The following ACTL6A variants were observed in gnomAD, a reference collection of about 807,000 sequenced individuals.
The protein encoded by ACTL6A is actin-like protein 6A.
ACTL6A carries 5 observed loss-of-function variants against 59.2 expected under a neutral mutation model. That is an observed-to-expected ratio of 0.08 (90% CI 0.04 to 0.18). ACTL6A has a LOEUF of 0.18. Ranked by LOEUF, ACTL6A falls within the 10% of genes least tolerant of loss-of-function variation. The probability of loss-of-function intolerance (pLI) is 1.00; values close to 1 mark genes in which losing one functional copy is unlikely to be tolerated. For missense variants in ACTL6A, 285 were observed against 526.9 expected (o/e 0.54, Z 4.49); for synonymous variants, 154 against 171.8 (o/e 0.90, Z 0.81).
At position 179,576,724 on chromosome 3, in the gene ACTL6A, AAAGT is replaced by A. The variant is rs1718177158; in HGVS notation, c.678+5_678+8del. The A allele has an allele frequency of 6.2e-7, 1 of 1,611,862 alleles. No individual in the cohort carries two copies. Among genetic ancestry groups the A allele is most frequent in the Non-Finnish European group, 8.5e-7 (1 of 1,177,980 alleles). ...GGTTCCTCCATATATGATTGCATCA[AAAGT>A]AAGTAATTATTGAATTTTCTTTGTA... On this transcript the variant is annotated splice_donor_variant and coding_sequence_variant, in exon 7 of 14. Coordinates refer to ENST00000429709, the MANE Select transcript of ACTL6A (RefSeq NM_004301.5). LOFTEE classifies it high-confidence loss of function.
chr3:179,566,252 T>G (rs984209799), intron 1 of ACTL6A, among the ~76,000 whole-genome samples: 1 of 151,938 alleles, frequency 6.6e-6, no homozygotes, highest in African/African-American at 2.4e-5. Flanking sequence ...GAGAGAGAGA[T>G]TTGAAATTGG....
chr3:179,582,764 TTAA>T (rs1292045302), intron 11 of ACTL6A, among the ~76,000 whole-genome samples: 2 of 152,230 alleles, frequency 1.3e-5, no homozygotes, highest in Non-Finnish European at 1.5e-5. Context: ...GTGGTTGCTA[TTAA>T]TATTTCCAGA....
intron 5 of ACTL6A, chr3:179,575,411 A>G (rs1211706207): frequency 2.2e-6 from 1 of 456,648 alleles, no homozygotes; most frequent in South Asian, 1.5e-5. Context: ...AGCTTTATTC[A>G]TCATCTACTT....
At position 179,570,364 on chromosome 3, in the gene ACTL6A, C is replaced by A. The variant is rs1717968405; in HGVS notation, c.277+123C>A. 3 of 884,724 alleles carry A rather than the reference C, an allele frequency of 3.4e-6. No homozygotes were observed. Among genetic ancestry groups the A allele is most frequent in the South Asian group, 2.1e-5 (1 of 47,976 alleles). 54.8% of individuals were successfully genotyped at this position (884,724 alleles called of 1,614,324 possible). A position where few individuals can be genotyped will look rare whatever the true frequency, so the allele number is the denominator to read the frequency against. Reference sequence around the variant, plus strand: ...TTTTGTTTTGTTTTGTTTTTTATTCCACAAACTGATTTCCAGACACTGAGA... The same window carrying A: ...TTTTGTTTTGTTTTGTTTTTTATTCAACAAACTGATTTCCAGACACTGAGA... On this transcript the variant is annotated intron_variant, in intron 3 of 13. Transcript: ENST00000429709. This position sits in a 1 kb window ranked among gnomAD's most constrained non-coding sequence, Gnocchi z 4.3.
intron 8 of ACTL6A, among the ~76,000 whole-genome samples, chr3:179,579,391 A>G (rs1033168760): frequency 6.6e-6 from 1 of 152,068 alleles, no homozygotes; most frequent in African/African-American, 2.4e-5. Flanking sequence ...TATATGAGTC[A>G]TAATTTACTA....
At position 179,576,616 on chromosome 3, in the gene ACTL6A, A is replaced by AT; in HGVS notation, c.572-3dup. 6.2e-7 allele frequency: 1 copy of AT among 1,608,914 alleles called. No homozygotes were observed. Among genetic ancestry groups the AT allele is most frequent in the South Asian group, 1.1e-5 (1 of 90,932 alleles). ...CTCTTAGCCTTGTTTCATCTGTTTC[A>AT]TAGGCATTGTGAAATCCCCTCTTGC... On this transcript the variant is annotated splice_region_variant and splice_polypyrimidine_tract_variant and intron_variant, in intron 6 of 13. Transcript: ENST00000429709.
chr3:179,567,264 G>A (rs1464872736), intron 1 of ACTL6A, among the ~76,000 whole-genome samples: 1 of 152,210 alleles, frequency 6.6e-6, no homozygotes, highest in Non-Finnish European at 1.5e-5. Context: ...TACTCAGGAG[G>A]CTGAGGCAGA....
Position 179,588,300 on chromosome 3 carries a change from AC to A in ACTL6A, c.*292del, listed in dbSNP as rs1718573969. On this transcript the variant is annotated 3_prime_UTR_variant, in exon 14 of 14. Coordinates refer to ENST00000429709, the MANE Select transcript of ACTL6A (RefSeq NM_004301.5). Reference sequence around the variant, plus strand: ...TCCAACTCTGTTTAGTGTATTAATTACCAGTGGATTGGTAGAACTGCTTTTT... The same window carrying A: ...TCCAACTCTGTTTAGTGTATTAATTACAGTGGATTGGTAGAACTGCTTTTT... The A allele has an allele frequency of 7.1e-6, 2 of 281,388 alleles. No homozygotes were observed. Among genetic ancestry groups the A allele is most frequent in the South Asian group, 1.7e-4 (2 of 11,580 alleles). The allele number at this position is 281,388 out of a possible 1,614,324, so 17.4% of individuals were successfully genotyped here.
intron 1 of ACTL6A, among the ~76,000 whole-genome samples, chr3:179,568,832 A>G (rs946250446): frequency 2.6e-5 from 4 of 152,228 alleles, no homozygotes; most frequent in East Asian, 1.9e-4. Flanking sequence ...CTTCATATAC[A>G]TGAAAGCACT....
At chr3:179,587,248 A>G (rs957298121) in intron 13 of ACTL6A, among the ~76,000 whole-genome samples, 4 of 152,048 alleles carry the variant, frequency 2.6e-5, no homozygotes, top group African/African-American at 7.2e-5. Context: ...ATATATATGT[A>G]TACTGTATAT....
At position 179,570,084 on chromosome 3, in the gene ACTL6A, T is replaced by C. The variant is rs781540108; in HGVS notation, c.120T>C (p.Ala40=). 6.2e-7 allele frequency: 1 copy of C among 1,613,874 alleles called. No individual in the cohort carries two copies. The highest frequency in any genetic ancestry group is 8.5e-7 in the Non-Finnish European group (1 of 1,179,952). ...TCTTACAGGTGGATTTTCCTACAGCTATTGGTATGGTGGTAGAAAGAGATG... is the reference window on the plus strand; with the variant it reads ...TCTTACAGGTGGATTTTCCTACAGCCATTGGTATGGTGGTAGAAAGAGATG... ...EDCPKVDFPT[A]IGMVVERDDG... is the part of the protein sequence containing the mutation. Residue 40 remains alanine, a synonymous_variant, in exon 3 of 14, where the codon GCT becomes GCC. Transcript: ENST00000429709. This position sits in a 1 kb window ranked among gnomAD's most constrained non-coding sequence, Gnocchi z 4.3.
In ACTL6A at chr3:179,573,309, A is replaced by G. The variant is rs994414553; in HGVS notation, c.278-60A>G. ...TTAAGTCATAGAAACAATTTCTCAA[A>G]AGATGCTATATTCATCTTCAACTAT... On this transcript the variant is annotated intron_variant, in intron 3 of 13. Transcript: ENST00000429709. 1.0e-5 allele frequency: 12 copies of G among 1,146,414 alleles called. No individual in the cohort carries two copies. In the African/African-American group the frequency reaches 1.9e-4, roughly 18 times the overall value. The allele number at this position is 1,146,414 out of a possible 1,614,324, so 71.0% of individuals were successfully genotyped here. A position where few individuals can be genotyped will look rare whatever the true frequency, so the allele number is the denominator to read the frequency against.
Position 179,563,124 on chromosome 3 carries a change from G to A in ACTL6A, c.25+7G>A. The A allele has an allele frequency of 1.9e-6, 3 of 1,612,056 alleles. No homozygotes were observed. The highest frequency in any genetic ancestry group is 2.5e-6 in the Non-Finnish European group (3 of 1,179,346). Reference sequence around the variant, plus strand: ...GGCGGCGTGTACGGGGGAGGTGAGTGAGTGCGGCCGGACGAGAGAGCGCGC... The same window carrying A: ...GGCGGCGTGTACGGGGGAGGTGAGTAAGTGCGGCCGGACGAGAGAGCGCGC... On this transcript the variant is annotated splice_region_variant and intron_variant, in intron 1 of 13. Transcript: ENST00000429709.
At chr3:179,577,616 A>G (rs1486826087) in intron 8 of ACTL6A, among the ~76,000 whole-genome samples, 1 of 151,956 alleles carries the variant, frequency 6.6e-6, no homozygotes, top group Non-Finnish European at 1.5e-5. Flanking sequence ...CCCAATAGTT[A>G]TTTTTTCTGC....
At chr3:179,583,307 T>A (rs759941252) in intron 11 of ACTL6A, 46 bp from the exon 12 acceptor site, 1 of 1,453,352 alleles carries the variant, frequency 6.9e-7, no homozygotes. Flanking sequence ...TTAAAACTTT[T>A]GGAAACATAT....
At chr3:179,565,413 C>A (rs932133706) in intron 1 of ACTL6A, among the ~76,000 whole-genome samples, 3 of 128,312 alleles carry the variant, frequency 2.3e-5, no homozygotes, top group African/African-American at 7.5e-5. Flanking sequence ...CTAAAAAAAA[C>A]AAAAACAAAC....
chr3:179,583,547 GA>G (rs1718396988), intron 12 of ACTL6A, 99 bp downstream of exon 12: 2 of 867,572 alleles, frequency 2.3e-6, no homozygotes, highest in African/African-American at 3.4e-5. Flanking sequence ...ATAGATACAT[GA>G]TATTTTGTGT....
chr3:179,564,875 T>A (rs1396287675), intron 1 of ACTL6A, among the ~76,000 whole-genome samples: 1 of 151,594 alleles, frequency 6.6e-6, no homozygotes, highest in Non-Finnish European at 1.5e-5. Flanking sequence ...CAGCTGAAGT[T>A]GGAATATGTC....
Position 179,581,210 on chromosome 3 carries a change from A to G in ACTL6A, c.1016A>G (p.Asp339Gly). The change falls in exon 11 of 14, where the codon GAC becomes GGC. Residue 339 changes from aspartate (D) to glycine (G), a missense_variant. Coordinates refer to ENST00000429709, the MANE Select transcript of ACTL6A (RefSeq NM_004301.5). ...ACAAGTGTTGGGATGTGTGATATTG[A>G]CATCAGACCAGTAAGTGCCAGTCTC... is the stretch of plus-strand genomic sequence containing the variant. The part of the protein sequence containing the change: ...VTTSVGMCDI[D>G]IRPGLYGSVI... 6.2e-7 allele frequency: 1 copy of G among 1,613,406 alleles called. No homozygotes were observed. Among genetic ancestry groups the G allele is most frequent in the South Asian group, 1.1e-5 (1 of 91,066 alleles).
Sources: gnomAD v4.1 joint callset for allele counts (sites outside exome capture counted in the v4.1 genomes callset) on GRCh38, gnomAD v4.1.1 for gene constraint, Gnocchi (gnomAD v3.1) non-coding constraint, MANE v1.5 for transcripts, NCBI Gene and HGNC (gene_info 2026-07-23, HGNC 2026-07-21) for gene names.